The following TBC1D4 variants were observed in gnomAD, a reference collection of about 807,000 sequenced individuals.
TBC1D4 encodes TBC1 domain family member 4.
A neutral mutation model predicts 142.5 loss-of-function variants in TBC1D4; 121 were observed. The ratio of observed to expected loss-of-function variants is 0.85; its 90% CI spans 0.73 to 0.99. The LOEUF (loss-of-function observed/expected upper bound fraction) is 0.99. Among genes scored for constraint, TBC1D4 ranks in the 50% least tolerant of loss-of-function variants. The pLI, the probability that TBC1D4 is intolerant of heterozygous loss-of-function variation, is 0.00. For synonymous variants in TBC1D4, 630 were observed against 628.2 expected (o/e 1.00, Z -0.04); for missense variants, 1,475 against 1,606.6 (o/e 0.92, Z 1.40).
chr13:75,361,967 C>A (rs1882557656), intron 2 of TBC1D4, 59 bp downstream of exon 2: 1 of 1,592,384 alleles, frequency 6.3e-7, no homozygotes, highest in Admixed American at 1.7e-5. Flanking sequence ...ACTGGATGCC[C>A]AGCTACTTCC....
chr13:75,295,978 T>C (rs2137857953), intron 17 of TBC1D4, among the ~76,000 whole-genome samples: 1 of 152,280 alleles, frequency 6.6e-6, no homozygotes, highest in Admixed American at 6.5e-5. Context: ...AAATAACCAA[T>C]TATGTTGTGA....
intron 13 of TBC1D4, among the ~76,000 whole-genome samples, chr13:75,311,934 C>G (rs1232628659): frequency 1.3e-5 from 2 of 152,080 alleles, no homozygotes; most frequent in African/African-American, 4.8e-5. Context: ...ATTTGTGTTA[C>G]TCAAATATTA....
At chr13:75,455,541 A>G (rs1172009180) in intron 1 of TBC1D4, among the ~76,000 whole-genome samples, 1 of 152,202 alleles carries the variant, frequency 6.6e-6, no homozygotes, top group Admixed American at 6.5e-5. Flanking sequence ...TAGGAGTTCA[A>G]GTCCAGCCTG....
At chr13:75,342,100 G>A (rs1880757176) in intron 5 of TBC1D4, among the ~76,000 whole-genome samples, 1 of 152,164 alleles carries the variant, frequency 6.6e-6, no homozygotes, top group African/African-American at 2.4e-5. Context: ...CAGGAGGCGA[G>A]GCAGGAGACT....
chr13:75,358,768 G>A (rs9573528), intron 3 of TBC1D4, among the ~76,000 whole-genome samples: 32,379 of 152,034 alleles, frequency 0.21, 3,501 homozygotes, highest in East Asian at 0.26. Flanking sequence ...AGAGGCTAAG[G>A]TGGGAGGATT....
intron 1 of TBC1D4, among the ~76,000 whole-genome samples, chr13:75,438,389 AGCCCAGTCACTTGTAAAT>A (rs1309021870): frequency 6.6e-6 from 1 of 152,210 alleles, no homozygotes; most frequent in African/African-American, 2.4e-5. Flanking sequence ...CCACCTTAAT[AGCCCAGTCACTTGTAAAT>A]GCCCAGTCAC....
chr13:75,406,888 T>C (rs1022365185), intron 1 of TBC1D4, among the ~76,000 whole-genome samples: 1 of 152,082 alleles, frequency 6.6e-6, no homozygotes, highest in African/African-American at 2.4e-5. Context: ...AAGGATTAAT[T>C]AAGGGTCTCT....
At chr13:75,333,356 T>G (rs577765880) in intron 8 of TBC1D4, among the ~76,000 whole-genome samples, 2 of 152,286 alleles carry the variant, frequency 1.3e-5, no homozygotes, top group African/African-American at 4.8e-5. Flanking sequence ...ATTAATAACC[T>G]GAGCTATTCA....
rs558269177 is a variant in TBC1D4, at chr13:75,466,095, C to T, written c.498+15175G>A. On this transcript the variant is annotated intron_variant, in intron 1 of 20. Transcript: ENST00000377636. The stretch of plus-strand genomic sequence containing the variant: ...ATCATCTGAGAGCTGTGTCAGAGGC[C>T]GTTGGTCACTCCTATTTGTCTCAGA... 2.4e-4 allele frequency among the ~76,000 whole-genome samples: 37 copies of T among 152,276 alleles called. No individual in the cohort carries two copies. In the South Asian group the frequency reaches 7.7e-3, roughly 32 times the overall value.
intron 1 of TBC1D4, among the ~76,000 whole-genome samples, chr13:75,451,023 C>T (rs1887510959): frequency 6.6e-6 from 1 of 152,200 alleles, no homozygotes; most frequent in African/African-American, 2.4e-5. Context: ...AAGCGTCCTT[C>T]TATTTCCCCC....
intron 5 of TBC1D4, among the ~76,000 whole-genome samples, chr13:75,346,795 A>G (rs1222046647): frequency 2.0e-5 from 3 of 152,278 alleles, no homozygotes; most frequent in African/African-American, 7.2e-5. Context: ...TATACTATGT[A>G]CTTTTCCATA....
chr13:75,431,808 T>C (rs530104122), intron 1 of TBC1D4, among the ~76,000 whole-genome samples: 14 of 152,352 alleles, frequency 9.2e-5, no homozygotes, highest in African/African-American at 2.9e-4. Flanking sequence ...AGATAATTTA[T>C]ATTCTAGAAA....
chr13:75,428,438 T>C (rs995052674), intron 1 of TBC1D4, among the ~76,000 whole-genome samples: 3 of 152,188 alleles, frequency 2.0e-5, no homozygotes, highest in Admixed American at 2.0e-4. Flanking sequence ...TTGGATTAAA[T>C]ACAGTAATGG....
chr13:75,413,281 C>T (rs1885758581), intron 1 of TBC1D4, among the ~76,000 whole-genome samples: 1 of 150,598 alleles, frequency 6.6e-6, no homozygotes, highest in African/African-American at 2.5e-5. Context: ...CTTGCCTCAG[C>T]CTCCCGAGTA....
In TBC1D4 at chr13:75,390,018, G is replaced by A. The variant is rs113525217; in HGVS notation, c.499-27411C>T. Among the ~76,000 whole-genome samples the A allele has an allele frequency of 6.4e-3, 975 of 152,276 alleles. 17 individuals are homozygous for A. The highest frequency in any genetic ancestry group is 0.022 in the African/African-American group (903 of 41,556). ...AGGCTGGGCATGGTGGCTCATGCCT[G>A]TAATCCAAGCACTTTGGGAGGGCGA... On this transcript the variant is annotated intron_variant, in intron 1 of 20. Coordinates refer to ENST00000377636, the MANE Select transcript of TBC1D4 (RefSeq NM_014832.5).
chr13:75,461,880 G>A (rs562473427), intron 1 of TBC1D4, among the ~76,000 whole-genome samples: 3 of 152,308 alleles, frequency 2.0e-5, no homozygotes, highest in South Asian at 2.1e-4. Context: ...CCCCAACAAT[G>A]TGTACTATCT....
intron 1 of TBC1D4, among the ~76,000 whole-genome samples, chr13:75,410,114 T>A (rs1885564012): frequency 6.6e-6 from 1 of 152,354 alleles, no homozygotes; most frequent in Admixed American, 6.5e-5. Context: ...AATAAGCTAA[T>A]GTACGTAAAT....
chr13:75,341,652 T>A, intron 5 of TBC1D4, 65 bp from the exon 6 acceptor site: 1 of 1,237,506 alleles, frequency 8.1e-7, no homozygotes, highest in Non-Finnish European at 1.2e-6. Context: ...GGGCAGAGAA[T>A]GCATTACACT....
intron 1 of TBC1D4, among the ~76,000 whole-genome samples, chr13:75,437,693 T>C (rs566072303): frequency 1.8e-4 from 27 of 152,166 alleles, no homozygotes; most frequent in Admixed American, 1.8e-3. Context: ...AAGTAGCTGA[T>C]GTCTTTAAAA....
Sources: allele counts gnomAD v4.1 joint callset (sites outside exome capture counted in the v4.1 genomes callset), GRCh38; gene constraint gnomAD v4.1.1; transcripts MANE v1.5; gene names NCBI Gene and HGNC (gene_info 2026-07-23, HGNC 2026-07-21).